Variants in IL17RA observed in about 807,000 individuals in gnomAD.
IL17RA encodes the protein interleukin-17 receptor A.
IL17RA carries 34 observed loss-of-function variants against 50.4 expected under a neutral mutation model. The observed-to-expected ratio is 0.67, with a 90% CI of 0.51 to 0.90. The LOEUF is 0.90. IL17RA is among the 40% of genes least tolerant of loss of function. The pLI is 0.00. For missense variants in IL17RA, 1,276 were observed against 1,169.8 expected (o/e 1.09, Z -1.32); for synonymous variants, 585 against 510.4 (o/e 1.15, Z -1.97).
At chr22:17,092,382 A>G (rs1990502) in intron 1 of IL17RA, among the ~76,000 whole-genome samples, 58,094 of 152,038 alleles carry the variant, frequency 0.38, 12,694 homozygotes, top group Middle Eastern at 0.56. Context: ...GAGGAGCATG[A>G]GAATCTCACG....
In IL17RA at chr22:17,112,099, A is replaced by G. The variant is rs2061445480; in HGVS notation, c.*2279A>G. The G allele has an allele frequency of 6.6e-6, 1 of 152,202 alleles. No individual in the cohort carries two copies. Among genetic ancestry groups the G allele is most frequent in the Admixed American group, 6.5e-5 (1 of 15,282 alleles). The allele number at this position is 152,202 out of a possible 1,614,324, so 9.4% of individuals were successfully genotyped here. On this transcript the variant is annotated 3_prime_UTR_variant, in exon 13 of 13. Transcript: ENST00000319363. ...GTGACCTTTCCCTAGCTTCCAATAAATAACTGTTTGACGCCCAGAGTACAG... is the reference window on the plus strand; with the variant it reads ...GTGACCTTTCCCTAGCTTCCAATAAGTAACTGTTTGACGCCCAGAGTACAG...
chr22:17,091,731 T>A (rs975020993), intron 1 of IL17RA, among the ~76,000 whole-genome samples: 3 of 152,178 alleles, frequency 2.0e-5, no homozygotes, highest in Non-Finnish European at 4.4e-5. Flanking sequence ...ATGACACTTA[T>A]TTTTTTCTCT....
chr22:17,094,700 T>TATATATATATATATATAG (rs2061362344), intron 1 of IL17RA, among the ~76,000 whole-genome samples: 1 of 105,672 alleles, frequency 9.5e-6, no homozygotes, highest in Non-Finnish European at 1.9e-5. Context: ...TCTATATATA[T>TATATATATATATATATAG]ATATATATAT....
intron 2 of IL17RA, chr22:17,097,497 C>A: frequency 1.8e-6 from 1 of 541,404 alleles, no homozygotes; most frequent in Non-Finnish European, 3.3e-6. Context: ...TAAAGCAGCT[C>A]TTACTACAAC....
chr22:17,109,930 T>C lies in IL17RA; in HGVS notation c.*110T>C. Reference sequence around the variant, plus strand: ...TGTGTATATGTTCGTGTGTGAAATGTAGGCTTTAAAATGTAAATGTCTGGA... The same window carrying C: ...TGTGTATATGTTCGTGTGTGAAATGCAGGCTTTAAAATGTAAATGTCTGGA... On this transcript the variant is annotated 3_prime_UTR_variant, in exon 13 of 13. Transcript: ENST00000319363. 1.9e-6 allele frequency: 2 copies of C among 1,068,930 alleles called. No homozygotes were observed. The highest frequency in any genetic ancestry group is 1.5e-5 in the South Asian group (1 of 68,324). The allele number at this position is 1,068,930 out of a possible 1,614,324, so 66.2% of individuals were successfully genotyped here.
chr22:17,094,494 G>C, intron 1 of IL17RA, among the ~76,000 whole-genome samples: 1 of 150,730 alleles, frequency 6.6e-6, no homozygotes, highest in Non-Finnish European at 1.5e-5. Context: ...TAATAGAATT[G>C]TTATTCTATA....
At chr22:17,092,072 C>A (rs1321788218) in intron 1 of IL17RA, among the ~76,000 whole-genome samples, 3 of 152,150 alleles carry the variant, frequency 2.0e-5, no homozygotes, top group Non-Finnish European at 2.9e-5. Context: ...CCCCTTTACC[C>A]ATCACATCTG....
intron 3 of IL17RA, among the ~76,000 whole-genome samples, chr22:17,098,358 C>T (rs1037560691): frequency 2.7e-4 from 41 of 152,146 alleles, no homozygotes; most frequent in African/African-American, 8.9e-4. Context: ...AGAATTGGGA[C>T]GATTGGGGCT....
chr22:17,095,302 A>G (rs1372241383), intron 1 of IL17RA, among the ~76,000 whole-genome samples: 4 of 152,230 alleles, frequency 2.6e-5, no homozygotes, highest in Admixed American at 2.0e-4. Flanking sequence ...ACTTATATGC[A>G]ACCACAACTA....
chr22:17,100,212 A>G (rs1255255673), intron 4 of IL17RA, 143 bp from the exon 5 acceptor site: 3 of 937,672 alleles, frequency 3.2e-6, no homozygotes, highest in Non-Finnish European at 5.2e-6. Flanking sequence ...GATTTCCCTG[A>G]CCTTGGATTT....
At chr22:17,102,380 T>C (rs564498681) in intron 7 of IL17RA, 78 bp downstream of exon 7, 128 of 1,519,244 alleles carry the variant, frequency 8.4e-5, no homozygotes, top group Non-Finnish European at 1.1e-4. Flanking sequence ...TCTGCTGGTC[T>C]GACAGAACCG....
In IL17RA at chr22:17,109,407, A is replaced by G. The variant is rs1372676490; in HGVS notation, c.2188A>G (p.Ser730Gly). 8.1e-6 allele frequency: 13 copies of G among 1,613,044 alleles called. No homozygotes were observed. The highest frequency in any genetic ancestry group is 5.0e-5 in the Admixed American group (3 of 59,992). The change falls in exon 13 of 13, where the codon AGC becomes GGC. Residue 730 changes from serine to glycine, a missense_variant. By Grantham distance (56) the Ser-to-Gly change is moderately conservative (BLOSUM62 0). Transcript: ENST00000319363. ...PVDPEDSPLG[S>G]STPMASPDLL... The stretch of plus-strand genomic sequence containing the variant: ...GGACCCCGAGGACTCGCCCCTTGGC[A>G]GCAGCACCCCCATGGCGTCTCCTGA...
chr22:17,100,488 G>T lies in IL17RA; in HGVS notation c.550+7G>T, dbSNP rs771078832. ...AAGAATTTCCTTGTGCCTGGTAAGA[G>T]CATCCTCCCAAGACATTCCCTCCCC... On this transcript the variant is annotated splice_region_variant and intron_variant, in intron 5 of 12. Transcript: ENST00000319363. 2.5e-5 allele frequency: 40 copies of T among 1,613,730 alleles called. No individual in the cohort carries two copies. The highest frequency in any genetic ancestry group is 2.3e-5 in the Non-Finnish European group (27 of 1,180,028).
chr22:17,105,653 C>T (rs2061410981), intron 10 of IL17RA, 51 bp downstream of exon 10: 5 of 1,600,482 alleles, frequency 3.1e-6, no homozygotes, highest in Admixed American at 1.7e-5. Context: ...GGGACATTCC[C>T]CAGTGGCCAC....
In IL17RA at chr22:17,112,599, TC is replaced by T. The variant is rs1232274874; in HGVS notation, c.*2781del. ...TTTCTCCTCACATTCCCTCCCCATT[TC>T]CTGGGCCCAGTCTCACACTGGTCCT... On this transcript the variant is annotated 3_prime_UTR_variant, in exon 13 of 13. Coordinates refer to ENST00000319363, the MANE Select transcript of IL17RA (RefSeq NM_014339.7). 6.6e-6 allele frequency: 1 copy of T among 152,168 alleles called. No homozygotes were observed. The highest frequency in any genetic ancestry group is 1.5e-5 in the Non-Finnish European group (1 of 68,028). The allele number at this position is 152,168 out of a possible 1,614,324, so 9.4% of individuals were successfully genotyped here. A position where few individuals can be genotyped will look rare whatever the true frequency, so the allele number is the denominator to read the frequency against.
At chr22:17,106,010 C>G (rs1345187807) in intron 11 of IL17RA, 56 bp downstream of exon 11, 1 of 1,331,146 alleles carries the variant, frequency 7.5e-7, no homozygotes, top group Non-Finnish European at 1.1e-6. Context: ...AGCACCACCA[C>G]TCACTACCAA....
Position 17,114,296 on chromosome 22 carries a change from C to G in IL17RA, c.*4476C>G, listed in dbSNP as rs2061457880. On this transcript the variant is annotated 3_prime_UTR_variant, in exon 13 of 13. Coordinates refer to ENST00000319363, the MANE Select transcript of IL17RA (RefSeq NM_014339.7). Reference sequence around the variant, plus strand: ...CCACCTCTGCATGGCTCTCCATGCCCCATCGCCTCTCCCAGATCCTAGCAC... The same window carrying G: ...CCACCTCTGCATGGCTCTCCATGCCGCATCGCCTCTCCCAGATCCTAGCAC... The G allele has an allele frequency of 1.3e-5, 2 of 152,356 alleles. No homozygotes were observed. Among genetic ancestry groups the G allele is most frequent in the South Asian group, 4.1e-4 (2 of 4,830 alleles). The allele number at this position is 152,356 out of a possible 1,614,324, so 9.4% of individuals were successfully genotyped here.
At position 17,103,561 on chromosome 22, in the gene IL17RA, G is replaced by A; in HGVS notation, c.830G>A (p.Cys277Tyr). 1 of 1,612,942 alleles carries A rather than the reference G, an allele frequency of 6.2e-7. No individual in the cohort carries two copies. The highest frequency in any genetic ancestry group is 8.5e-7 in the Non-Finnish European group (1 of 1,179,536). ...TLTLRNLKGC[C>Y]RHQVQIQPFF... ...ACTCTACGCAACCTTAAAGGGTGCTGTCGCCACCAAGTGCAGGTGGGTGAG... is the reference window on the plus strand; with the variant it reads ...ACTCTACGCAACCTTAAAGGGTGCTATCGCCACCAAGTGCAGGTGGGTGAG... Residue 277 changes from cysteine to tyrosine, a missense_variant, in exon 8 of 13, where the codon TGT (cysteine) becomes TAT (tyrosine). Cys to Tyr is a radical substitution (Grantham distance 194, BLOSUM62 -2). Coordinates refer to ENST00000319363, the MANE Select transcript of IL17RA (RefSeq NM_014339.7).
In IL17RA at chr22:17,100,619, G is replaced by C. The variant is rs184051389; in HGVS notation, c.550+138G>C. The C allele has an allele frequency of 6.2e-6, 7 of 1,130,402 alleles. No homozygotes were observed. In the East Asian group the frequency reaches 1.2e-4, roughly 19 times the overall value. 70.0% of individuals were successfully genotyped at this position (1,130,402 alleles called of 1,614,324 possible). A position where few individuals can be genotyped will look rare whatever the true frequency, so the allele number is the denominator to read the frequency against. On this transcript the variant is annotated intron_variant, in intron 5 of 12. Transcript: ENST00000319363. ...GCACCTGGGACCCACAGAACAAACAGAGGCCAAGACTGGGAGTGCTTTGGT... is the reference window on the plus strand; with the variant it reads ...GCACCTGGGACCCACAGAACAAACACAGGCCAAGACTGGGAGTGCTTTGGT...
Sources: gnomAD v4.1 joint callset for allele counts (sites outside exome capture counted in the v4.1 genomes callset) on GRCh38, gnomAD v4.1.1 for gene constraint, MANE v1.5 for transcripts, NCBI Gene and HGNC (gene_info 2026-07-23, HGNC 2026-07-21) for gene names.